The following RPL31 variants were observed in gnomAD, a reference collection of about 807,000 sequenced individuals.
RPL31 encodes the protein ribosomal protein L31.
For missense variants in RPL31, 95 were observed against 164.0 expected, an observed-to-expected ratio of 0.58 and a Z score of 2.30; for synonymous variants, 51 against 55.0, an observed-to-expected ratio of 0.93 and a Z score of 0.32.
At chr2:101,011,013 A>G (rs756700989), downstream of RPL31, 4 of 1,612,344 alleles carry the variant, frequency 2.5e-6, no homozygotes, top group Non-Finnish European at 3.4e-6. Context: ...GTTTCTGATA[A>G]TCAACTGCAT....
intron 4 of RPL31, chr2:101,017,746 C>A: frequency 8.5e-7 from 1 of 1,176,722 alleles, no homozygotes; most frequent in Non-Finnish European, 1.2e-6. Flanking sequence ...AAGATAGGGT[C>A]AAGTGACAAA....
At chr2:101,016,821 A>G (rs1679678988) in intron 4 of RPL31, among the ~76,000 whole-genome samples, 1 of 152,068 alleles carries the variant, frequency 6.6e-6, no homozygotes, top group East Asian at 1.9e-4. Context: ...AACTATCACA[A>G]GGACAAAAAA....
downstream of RPL31, chr2:101,007,792 C>CTCCA (rs1289725157): frequency 1.3e-6 from 2 of 1,599,760 alleles, no homozygotes; most frequent in Non-Finnish European, 1.7e-6. Flanking sequence ...GTATGGTGGA[C>CTCCA]TCCAGTGTGC....
downstream of RPL31, chr2:101,011,331 A>G (rs1055837015): frequency 9.5e-7 from 1 of 1,049,706 alleles, no homozygotes; most frequent in African/African-American, 1.6e-5. Flanking sequence ...GTTTGGGGAT[A>G]ATTCATTGGA....
Position 101,004,296 on chromosome 2 carries a change from T to C in RPL31, c.233+13T>C, listed in dbSNP as rs558807467. Reference sequence around the variant, plus strand: ...CCAAAGGAATAAGGTGCTAAAGTTATCTGTATTCGAAGGTGAACTTTTGCA... The same window carrying C: ...CCAAAGGAATAAGGTGCTAAAGTTACCTGTATTCGAAGGTGAACTTTTGCA... On this transcript the variant is annotated intron_variant, in intron 3 of 4. Transcript: ENST00000264258. The C allele has an allele frequency of 6.3e-5, 102 of 1,613,678 alleles. No individual in the cohort carries two copies. The South Asian group carries it at 7.6e-4, about 12-fold the overall frequency.
Position 101,007,071 on chromosome 2 carries a change from C to T in RPL31, c.*690C>T, listed in dbSNP as rs9973943. 0.052 allele frequency: 7,994 copies of T among 152,290 alleles called. 709 individuals are homozygous for T. The highest frequency in any genetic ancestry group is 0.18 in the African/African-American group (7,590 of 41,504). The allele number at this position is 152,290 out of a possible 1,614,324, so 9.4% of individuals were successfully genotyped here. ...TGCTGCCATAAAGAGGTCTCTGAAGCCGTAGGGCACACCCAAGGCAGGGCT... is the reference window on the plus strand; with the variant it reads ...TGCTGCCATAAAGAGGTCTCTGAAGTCGTAGGGCACACCCAAGGCAGGGCT... On this transcript the variant is annotated 3_prime_UTR_variant, in exon 5 of 5. Transcript: ENST00000264258.
chr2:101,011,704 G>A (rs183180882), downstream of RPL31, among the ~76,000 whole-genome samples: 449 of 152,238 alleles, frequency 2.9e-3, 3 homozygotes, highest in African/African-American at 0.011. Flanking sequence ...AGCACTGTCT[G>A]GATACCCAGA....
chr2:101,006,247 GGTT>G, intron 4 of RPL31, 100 bp from the exon 5 acceptor site: 1 of 1,535,508 alleles, frequency 6.5e-7, no homozygotes, highest in Non-Finnish European at 8.7e-7. Context: ...GATGTAAAAA[GGTT>G]GTGGAAAATA....
downstream of RPL31, among the ~76,000 whole-genome samples, chr2:101,010,252 T>TATCA (rs149965205): frequency 6.0e-4 from 91 of 152,344 alleles, no homozygotes; most frequent in Non-Finnish European, 1.1e-3. Context: ...GAGACTCCTC[T>TATCA]ATCAGTACTG....
intron 2 of RPL31, among the ~76,000 whole-genome samples, chr2:101,003,168 G>C (rs1464328027): frequency 2.0e-5 from 3 of 152,162 alleles, no homozygotes; most frequent in Admixed American, 2.0e-4. Flanking sequence ...TGGCTGACCC[G>C]CTTAATCATA....
At chr2:101,007,594 G>T (rs1335408435), downstream of RPL31, 1 of 530,054 alleles carries the variant, frequency 1.9e-6, no homozygotes, top group Non-Finnish European at 3.3e-6. Flanking sequence ...AAAATTGTAA[G>T]TTGGCATCAA....
rs960407824 is a variant in RPL31 at position 101,002,624 on chromosome 2, A to C, written c.1-78A>C. 3.3e-5 allele frequency: 40 copies of C among 1,224,150 alleles called. No individual in the cohort carries two copies. The African/African-American group carries it at 5.4e-4, about 16-fold the overall frequency. 75.8% of individuals were successfully genotyped at this position (1,224,150 alleles called of 1,614,324 possible). ...AGCACCTGGAAGCGCCCCGAGAGTG[A>C]CAGCGTGAGGCTGGGAGGGAGGACT... is the stretch of plus-strand genomic sequence containing the variant. On this transcript the variant is annotated intron_variant, in intron 1 of 4. Transcript: ENST00000264258.
chr2:101,006,612 C>A lies in RPL31; in HGVS notation c.*231C>A, dbSNP rs935968947. The A allele has an allele frequency of 1.4e-5, 6 of 435,532 alleles. No homozygotes were observed. The highest frequency in any genetic ancestry group is 2.4e-5 in the Non-Finnish European group (6 of 248,744). The allele number at this position is 435,532 out of a possible 1,614,324, so 27.0% of individuals were successfully genotyped here. On this transcript the variant is annotated 3_prime_UTR_variant, in exon 5 of 5. Transcript: ENST00000264258. ...TTCTGGGTAGTTGGGATACTGAAGG[C>A]ATATTGTTAATTATTCTACTTGTAT...
chr2:101,019,052 G>C (rs1333777981), exon 5 of RPL31: 1 of 1,609,378 alleles, frequency 6.2e-7, no homozygotes, highest in African/African-American at 1.3e-5. Context: ...GAGCCCTCCT[G>C]GAAGTGGATG....
At chr2:101,003,913 G>A (rs1203332920) in intron 2 of RPL31, among the ~76,000 whole-genome samples, 1 of 152,174 alleles carries the variant, frequency 6.6e-6, no homozygotes, top group Non-Finnish European at 1.5e-5. Flanking sequence ...TGGGAAAAAA[G>A]GATTGTTACT....
intron 4 of RPL31, among the ~76,000 whole-genome samples, chr2:101,015,661 G>GA (rs1679575271): frequency 1.3e-5 from 2 of 152,158 alleles, no homozygotes; most frequent in African/African-American, 4.8e-5. Flanking sequence ...CACGCTACGT[G>GA]ACTTCAAACT....
At chr2:101,007,752 A>G, downstream of RPL31, 1 of 1,498,816 alleles carries the variant, frequency 6.7e-7, no homozygotes, top group Non-Finnish European at 9.1e-7. Context: ...TTTAGGGCTG[A>G]CCCCAAGAAA....
chr2:101,019,194 C>T (rs1679875560), exon 5 of RPL31: 1 of 912,970 alleles, frequency 1.1e-6, no homozygotes, highest in Non-Finnish European at 1.6e-6. Context: ...GCCGGGGTTT[C>T]AACAAGGTAC....
chr2:101,007,915 G>T, downstream of RPL31: 1 of 1,614,052 alleles, frequency 6.2e-7, no homozygotes, highest in Non-Finnish European at 8.5e-7. Context: ...TTCAAGTTTG[G>T]ATTTCATGTC....
Sources: allele counts gnomAD v4.1 joint callset (sites outside exome capture counted in the v4.1 genomes callset), GRCh38; gene constraint gnomAD v4.1.1; transcripts MANE v1.5; gene names NCBI Gene and HGNC (gene_info 2026-07-23, HGNC 2026-07-21).